Variants in MGAM observed in about 807,000 individuals in gnomAD.
MGAM encodes the protein alpha-1,4-glucosidase.
A neutral mutation model predicts 358.8 loss-of-function variants in MGAM; 253 were observed. The observed-to-expected ratio is 0.71, with a 90% confidence interval of 0.64 to 0.78. MGAM has a LOEUF of 0.78. Among genes scored for constraint, MGAM ranks in the 30% least tolerant of loss-of-function variants. The probability of loss-of-function intolerance (pLI) is 0.00; values close to 1 mark genes in which losing one functional copy is unlikely to be tolerated. For missense variants in MGAM, 3,080 were observed against 3,432.6 expected, an observed-to-expected ratio of 0.90 and a Z score of 2.57; for synonymous variants, 1,105 against 1,227.1, an observed-to-expected ratio of 0.90 and a Z score of 2.08.
At position 142,032,997 on chromosome 7, in the gene MGAM, G is replaced by A. The variant is rs1353976047; in HGVS notation, c.1669+88G>A. 3.6e-6 allele frequency: 3 copies of A among 843,164 alleles called. No individual in the cohort carries two copies. The African/African-American group carries it at 5.3e-5, about 15-fold the overall frequency. 52.2% of individuals were successfully genotyped at this position (843,164 alleles called of 1,614,324 possible). On this transcript the variant is annotated intron_variant, in intron 14 of 70. Coordinates refer to ENST00000475668, the MANE Select transcript of MGAM (RefSeq NM_001365693.1). Reference sequence around the variant, plus strand: ...GACAGATCTGAAAAATCTGGCAAGGGAATTTGTTCATAATTGTGCATAGAA... The same window carrying A: ...GACAGATCTGAAAAATCTGGCAAGGAAATTTGTTCATAATTGTGCATAGAA...
chr7:142,061,288 A>G (rs1238372982), intron 34 of MGAM, among the ~76,000 whole-genome samples: 1 of 152,044 alleles, frequency 6.6e-6, no homozygotes. Context: ...TCTTTATTCT[A>G]ATTCTCCATC....
rs2961074 is a variant in MGAM, at chr7:142,059,540, T to G, written c.3888T>G (p.Ala1296=). 6.2e-7 allele frequency: 1 copy of G among 1,607,614 alleles called. No individual in the cohort carries two copies. Among genetic ancestry groups the G allele is most frequent in the Admixed American group, 1.7e-5 (1 of 59,616 alleles). ...QLDFTLSPKF[A]GFPALINRMK... is the part of the protein sequence containing the mutation. ...ACTTCACCCTCAGCCCCAAGTTTGC[T>G]GGGTTTCCAGCTCTGATCAATCGCA... The change falls in exon 32 of 71, where the codon GCT becomes GCG. Residue 1296 remains alanine (A), a synonymous_variant. Transcript: ENST00000475668.
At chr7:142,105,721 G>A in intron 70 of MGAM, 93 bp from the exon 71 acceptor site, 1 of 885,012 alleles carries the variant, frequency 1.1e-6, no homozygotes, top group Non-Finnish European at 1.9e-6. Context: ...AAGTATTAGG[G>A]GGTTATTTGG....
At chr7:142,030,837 T>C (rs781918054) in intron 12 of MGAM, 80 bp downstream of exon 12, 1 of 817,990 alleles carries the variant, frequency 1.2e-6, no homozygotes, top group Non-Finnish European at 2.1e-6. Context: ...TGTGTGTGTG[T>C]GTGCATGTAA....
intron 70 of MGAM, among the ~76,000 whole-genome samples, chr7:142,103,917 C>T (rs191937166): frequency 3.3e-5 from 5 of 150,972 alleles, no homozygotes; most frequent in Non-Finnish European, 7.4e-5. Flanking sequence ...AGTGCAGTGG[C>T]ATGTGATCTC....
At position 142,042,810 on chromosome 7, in the gene MGAM, TATA is replaced by T. The variant is rs1299770233; in HGVS notation, c.2498+1968_2498+1970del. Among the ~76,000 whole-genome samples the T allele has an allele frequency of 6.4e-5, 4 of 62,876 alleles. No individual in the cohort carries two copies. In the East Asian group the frequency reaches 1.7e-3, roughly 27 times the overall value. The allele number at this position is 62,876 out of a possible 152,430, so 41.2% of individuals were successfully genotyped here. On this transcript the variant is annotated intron_variant, in intron 21 of 70. Coordinates refer to ENST00000475668, the MANE Select transcript of MGAM (RefSeq NM_001365693.1). The stretch of plus-strand genomic sequence containing the variant: ...AATATATATACATATAATATCTAAA[TATA>T]ATATCTAAATATAATATCTATATTA...
chr7:142,065,334 G>C lies in MGAM; in HGVS notation c.4485-1G>C. 6.2e-7 allele frequency: 1 copy of C among 1,608,192 alleles called. No homozygotes were observed. Among genetic ancestry groups the C allele is most frequent in the African/African-American group, 1.3e-5 (1 of 74,856 alleles). ...TTCACCTCCTGTTCCCTTCCAAGCA[G>C]AGCCGTGCAGGAGGTGACGGGACAG... On this transcript the variant is annotated splice_acceptor_variant, in intron 37 of 70. Coordinates refer to ENST00000475668, the MANE Select transcript of MGAM (RefSeq NM_001365693.1). LOFTEE classifies it high-confidence loss of function.
In MGAM at chr7:142,074,118, A is replaced by G; in HGVS notation, c.5220A>G (p.Leu1740=). The change falls in exon 45 of 71, where the codon CTA becomes CTG. Residue 1740 remains leucine, a synonymous_variant. Transcript: ENST00000475668. ...ACCCTCTTGGTCTTATTATTGCCCT[A>G]GATGAAAACAAAGAAGCAAAAGGAG... ...RKNPLGLIIA[L]DENKEAKGEL... is the part of the protein sequence containing the mutation. The G allele has an allele frequency of 6.5e-7, 1 of 1,545,316 alleles. No homozygotes were observed. The highest frequency in any genetic ancestry group is 1.1e-5 in the South Asian group (1 of 88,894).
intron 45 of MGAM, among the ~76,000 whole-genome samples, chr7:142,075,141 T>C (rs4470936): frequency 0.44 from 64,507 of 145,194 alleles, 18,409 homozygotes; most frequent in Middle Eastern, 0.62. Context: ...TATAATGTCC[T>C]CCTAAGTCAT....
chr7:142,063,500 A>C lies in MGAM; in HGVS notation c.4259A>C (p.Asp1420Ala). 1.2e-6 allele frequency: 2 copies of C among 1,613,350 alleles called. No homozygotes were observed. The highest frequency in any genetic ancestry group is 1.7e-6 in the Non-Finnish European group (2 of 1,179,622). Residue 1420 changes from aspartate (D) to alanine (A), a missense_variant and splice_region_variant, in exon 36 of 71, where the codon GAT becomes GCT. By Grantham distance (126) the Asp-to-Ala change is moderately radical. Coordinates refer to ENST00000475668, the MANE Select transcript of MGAM (RefSeq NM_001365693.1). Reference protein sequence around the residue: ...RSLKFDGMWIDMNEPSSFVNG... With the variant: ...RSLKFDGMWIAMNEPSSFVNG... Reference sequence around the variant, plus strand: ...TATGTCTGTGTTTGGCATTTCTAGGATATGAATGAACCATCAAGCTTCGTG... The same window carrying C: ...TATGTCTGTGTTTGGCATTTCTAGGCTATGAATGAACCATCAAGCTTCGTG...
chr7:141,994,468 A>G (rs1609100), upstream of MGAM, among the ~76,000 whole-genome samples: 50,906 of 152,046 alleles, frequency 0.33, 13,507 homozygotes, highest in African/African-American at 0.74. Flanking sequence ...TCTTTGTGCA[A>G]CTGAGTCAGT....
intron 21 of MGAM, among the ~76,000 whole-genome samples, chr7:142,045,547 A>G (rs1173979547): frequency 1.3e-5 from 1 of 78,604 alleles, no homozygotes; most frequent in Non-Finnish European, 2.2e-5. Flanking sequence ...TATTATATAT[A>G]CATACAATAT....
At position 142,055,603 on chromosome 7, in the gene MGAM, C is replaced by T. The variant is rs1221887083; in HGVS notation, c.3360C>T (p.Ile1120=). ...GCTTTACCTTCAGTGACATGTTTATCCGCATCTCCACCCGCCTTCCCTCCA... is the reference window on the plus strand; with the variant it reads ...GCTTTACCTTCAGTGACATGTTTATTCGCATCTCCACCCGCCTTCCCTCCA... ...LLGFTFSDMF[I]RISTRLPSKY... Residue 1120 remains isoleucine (I), a synonymous_variant, in exon 28 of 71, where the codon ATC becomes ATT. Transcript: ENST00000475668. 3 of 1,613,810 alleles carry T rather than the reference C, an allele frequency of 1.9e-6. No homozygotes were observed. The highest frequency in any genetic ancestry group is 1.3e-5 in the African/African-American group (1 of 74,906).
Position 142,062,575 on chromosome 7 carries a change from G to A in MGAM, c.4130G>A (p.Arg1377Gln), listed in dbSNP as rs750232138. ...TATATTTCTTTTTTATAGCTATATC[G>A]AGCTTATGTGGCCTTCCCAGACTTT... The part of the protein sequence containing the change: ...LDWDSQVELY[R>Q]AYVAFPDFFR... Residue 1377 changes from arginine (R) to glutamine (Q), a missense_variant, in exon 35 of 71, where the codon CGA (arginine) becomes CAA (glutamine). Transcript: ENST00000475668. The A allele has an allele frequency of 1.0e-5, 16 of 1,590,326 alleles. No homozygotes were observed. Among genetic ancestry groups the A allele is most frequent in the African/African-American group, 6.8e-5 (5 of 73,716 alleles).
chr7:142,066,423 G>T, intron 40 of MGAM, 150 bp from the exon 41 acceptor site: 2 of 952,220 alleles, frequency 2.1e-6, no homozygotes, highest in Non-Finnish European at 1.5e-6. Context: ...GACTCTTTCC[G>T]GTCTATTAAG....
Position 142,043,199 on chromosome 7 carries a change from A to C in MGAM, c.2498+2353A>C, listed in dbSNP as rs28970647. ...TACATATAATATCTAAATATAATAT[A>C]TATATTATATATACATATAATATCT... is the stretch of plus-strand genomic sequence containing the variant. On this transcript the variant is annotated intron_variant, in intron 21 of 70. Transcript: ENST00000475668. Among the ~76,000 whole-genome samples, 16 of 12,186 alleles carry C rather than the reference A, an allele frequency of 1.3e-3. 1 individual carries two copies. The highest frequency in any genetic ancestry group is 4.9e-3 in the African/African-American group (10 of 2,048). 8.0% of individuals were successfully genotyped at this position (12,186 alleles called of 152,430 possible). A position where few individuals can be genotyped will look rare whatever the true frequency, so the allele number is the denominator to read the frequency against.
At chr7:142,017,930 G>C (rs782612112) in intron 3 of MGAM, among the ~76,000 whole-genome samples, 4 of 152,186 alleles carry the variant, frequency 2.6e-5, no homozygotes, top group Non-Finnish European at 2.9e-5. Context: ...TTTTGTTCTT[G>C]CCTTCTCAAT....
chr7:142,088,988 G>C (rs1002086985), intron 57 of MGAM, among the ~76,000 whole-genome samples: 6 of 90,944 alleles, frequency 6.6e-5, no homozygotes, highest in Non-Finnish European at 1.2e-4. Context: ...ATGTATGTAT[G>C]TATGTATGTA....
intron 7 of MGAM, among the ~76,000 whole-genome samples, chr7:142,023,532 A>G (rs782416380): frequency 5.9e-5 from 9 of 152,068 alleles, no homozygotes; most frequent in Admixed American, 2.0e-4. Context: ...GTTAGAAAAA[A>G]CCAAGGCCCA....
Sources: gnomAD v4.1 joint callset for allele counts (sites outside exome capture counted in the v4.1 genomes callset) on GRCh38, gnomAD v4.1.1 for gene constraint, MANE v1.5 for transcripts, NCBI Gene and HGNC (gene_info 2026-07-23, HGNC 2026-07-21) for gene names.